Variants in ZFAND3 observed in about 807,000 individuals in gnomAD.
ZFAND3 encodes the protein AN1-type zinc finger protein 3.
A neutral mutation model predicts 29.6 loss-of-function variants in ZFAND3; 10 were observed. The observed-to-expected ratio is 0.34, with a 90% CI of 0.21 to 0.57. ZFAND3 has a LOEUF of 0.57. Ranked by LOEUF, ZFAND3 falls within the 20% of genes least tolerant of loss-of-function variation. The pLI is 0.86. For missense variants in ZFAND3, 230 were observed against 304.5 expected, an observed-to-expected ratio of 0.76 and a Z score of 1.82; for synonymous variants, 128 against 112.6, an observed-to-expected ratio of 1.14 and a Z score of -0.87.
chr6:37,846,941 G>A (rs1054794849), intron 1 of ZFAND3, among the ~76,000 whole-genome samples: 1 of 151,954 alleles, frequency 6.6e-6, no homozygotes, highest in African/African-American at 2.4e-5. Context: ...TTAATTTCCT[G>A]ACCTCGTGAT....
intron 5 of ZFAND3, among the ~76,000 whole-genome samples, chr6:38,145,277 C>A (rs925223301): frequency 2.6e-5 from 4 of 152,240 alleles, no homozygotes; most frequent in African/African-American, 9.6e-5. Flanking sequence ...AGGTAAAGAA[C>A]ACAGAACACA....
intron 3 of ZFAND3, among the ~76,000 whole-genome samples, chr6:38,079,690 T>A (rs1458576898): frequency 1.3e-5 from 2 of 152,190 alleles, no homozygotes; most frequent in Non-Finnish European, 2.9e-5. Flanking sequence ...ACTGTGCAGC[T>A]CATGGTGTTA....
chr6:37,867,143 TTTTGTAGTTC>T (rs1490900858), intron 1 of ZFAND3, among the ~76,000 whole-genome samples: 2 of 152,214 alleles, frequency 1.3e-5, no homozygotes, highest in East Asian at 3.8e-4. Context: ...TCCTATCTTT[TTTTGTAGTTC>T]TGTAAGCATT....
intron 2 of ZFAND3, among the ~76,000 whole-genome samples, chr6:37,962,827 C>T (rs917490407): frequency 6.6e-6 from 1 of 152,188 alleles, no homozygotes; most frequent in Non-Finnish European, 1.5e-5. Context: ...ATAAATCTTG[C>T]AGCTGCTCAC....
intron 1 of ZFAND3, among the ~76,000 whole-genome samples, chr6:37,850,837 C>G (rs1764267049): frequency 6.6e-6 from 1 of 152,068 alleles, no homozygotes; most frequent in African/African-American, 2.4e-5. Context: ...GGCTTGAAAG[C>G]AGTCCTTCTG....
At chr6:37,942,743 A>G (rs1761833600) in intron 2 of ZFAND3, among the ~76,000 whole-genome samples, 1 of 152,116 alleles carries the variant, frequency 6.6e-6, no homozygotes, top group African/African-American at 2.4e-5. Flanking sequence ...TGAATAGACC[A>G]TAGGCTAATA....
At chr6:37,923,311 C>T (rs974564764) in intron 1 of ZFAND3, among the ~76,000 whole-genome samples, 2 of 152,170 alleles carry the variant, frequency 1.3e-5, no homozygotes, top group African/African-American at 2.4e-5. Flanking sequence ...GGCCCCAGCA[C>T]ACAGACATGC....
At position 38,154,556 on chromosome 6, in the gene ZFAND3, T is replaced by C. The variant is rs1012003593; in HGVS notation, c.*2167T>C. ...TTTTAGTTTTAACATTGTGAAAATA[T>C]TAAAAGAATCTTGTAACTTTATTCT... On this transcript the variant is annotated 3_prime_UTR_variant, in exon 6 of 6. Coordinates refer to ENST00000287218, the MANE Select transcript of ZFAND3 (RefSeq NM_021943.3). 2.1e-6 allele frequency: 2 copies of C among 974,292 alleles called. No homozygotes were observed. Among genetic ancestry groups the C allele is most frequent in the African/African-American group, 3.5e-5 (2 of 56,986 alleles). The allele number at this position is 974,292 out of a possible 1,614,324, so 60.4% of individuals were successfully genotyped here.
intron 5 of ZFAND3, 22 bp downstream of exon 5, chr6:38,116,761 G>A (rs372598067): frequency 2.2e-5 from 36 of 1,610,620 alleles, no homozygotes; most frequent in South Asian, 5.5e-5. Flanking sequence ...CCCCAGTGGC[G>A]TGATGGAGAC....
chr6:37,908,561 A>G lies in ZFAND3; in HGVS notation c.72-21398A>G, dbSNP rs1279131728. On this transcript the variant is annotated intron_variant, in intron 1 of 5. Transcript: ENST00000287218. ...AAAAATTAAAAAAAAAAAAAAAAAG[A>G]AAAAAAAGAAAATAATTAGGGAGCT... 2.8e-3 allele frequency among the ~76,000 whole-genome samples: 408 copies of G among 144,488 alleles called. 2 individuals are homozygous for G. Among genetic ancestry groups the G allele is most frequent in the African/African-American group, 9.7e-3 (387 of 39,966 alleles). 94.8% of individuals were successfully genotyped at this position (144,488 alleles called of 152,430 possible).
chr6:37,910,623 C>A (rs1243910344), intron 1 of ZFAND3, among the ~76,000 whole-genome samples: 1 of 152,120 alleles, frequency 6.6e-6, no homozygotes, highest in Non-Finnish European at 1.5e-5. Context: ...AATCTCTTAG[C>A]AATTTTCAAG....
chr6:37,882,810 T>A (rs1439430786), intron 1 of ZFAND3, among the ~76,000 whole-genome samples: 1 of 152,256 alleles, frequency 6.6e-6, no homozygotes, highest in Non-Finnish European at 1.5e-5. Context: ...TCTATGTCTG[T>A]TCACTGTGGG....
At position 38,051,439 on chromosome 6, in the gene ZFAND3, A is replaced by G. The variant is rs115287400; in HGVS notation, c.113-10154A>G. ...CATTTAAAGCCTTAGGTCTGGGGTAAAATATTGCAGCCTCCAGCCTCTCCA... is the reference window on the plus strand; with the variant it reads ...CATTTAAAGCCTTAGGTCTGGGGTAGAATATTGCAGCCTCCAGCCTCTCCA... On this transcript the variant is annotated intron_variant, in intron 2 of 5. Coordinates refer to ENST00000287218, the MANE Select transcript of ZFAND3 (RefSeq NM_021943.3). 8.7e-3 allele frequency among the ~76,000 whole-genome samples: 1,320 copies of G among 152,188 alleles called. 17 individuals are homozygous for G. The highest frequency in any genetic ancestry group is 0.03 in the African/African-American group (1,244 of 41,512).
At chr6:38,134,612 T>C (rs1765805464) in intron 5 of ZFAND3, among the ~76,000 whole-genome samples, 1 of 152,192 alleles carries the variant, frequency 6.6e-6, no homozygotes, top group Non-Finnish European at 1.5e-5. Flanking sequence ...GAATCCTTTA[T>C]TTATTAGATG....
At chr6:38,028,949 A>G (rs1243425472) in intron 2 of ZFAND3, among the ~76,000 whole-genome samples, 1 of 152,190 alleles carries the variant, frequency 6.6e-6, no homozygotes, top group African/African-American at 2.4e-5. Flanking sequence ...TTCTGATTAA[A>G]TGTGTTTTCA....
chr6:38,113,597 A>AG (rs1237515203), intron 4 of ZFAND3, among the ~76,000 whole-genome samples: 1 of 152,182 alleles, frequency 6.6e-6, no homozygotes, highest in Non-Finnish European at 1.5e-5. Context: ...TTTGCAGGGC[A>AG]GGGGTTGGGG....
chr6:37,944,125 G>A (rs1416177794), intron 2 of ZFAND3, among the ~76,000 whole-genome samples: 1 of 152,154 alleles, frequency 6.6e-6, no homozygotes, highest in Non-Finnish European at 1.5e-5. Context: ...TTGTGTGTAT[G>A]TGGGTTTATG....
At chr6:38,103,748 A>G (rs73730881) in intron 4 of ZFAND3, among the ~76,000 whole-genome samples, 4,498 of 152,306 alleles carry the variant, frequency 0.03, 175 homozygotes, top group African/African-American at 0.085. Context: ...GATTAAAATT[A>G]GGGGACTTGG....
At chr6:38,079,096 G>T (rs1266493587) in intron 3 of ZFAND3, among the ~76,000 whole-genome samples, 2 of 152,166 alleles carry the variant, frequency 1.3e-5, no homozygotes, top group East Asian at 1.9e-4. Context: ...CTGTAATTGT[G>T]TGGATGACAG....
Sources: gnomAD v4.1 joint callset for allele counts (sites outside exome capture counted in the v4.1 genomes callset) on GRCh38, gnomAD v4.1.1 for gene constraint, MANE v1.5 for transcripts, NCBI Gene and HGNC (gene_info 2026-07-23, HGNC 2026-07-21) for gene names.